Variants in TENM2 observed in about 807,000 individuals in gnomAD.
TENM2 encodes teneurin-2.
A neutral mutation model predicts 245.2 loss-of-function variants in TENM2; 52 were observed. That is an observed-to-expected ratio of 0.21 (90% CI 0.17 to 0.27). The LOEUF (loss-of-function observed/expected upper bound fraction) is 0.27, where lower values mean the gene tolerates loss of function less well. Ranked by LOEUF, TENM2 falls within the 10% of genes least tolerant of loss-of-function variation. The pLI is 1.00. For synonymous variants in TENM2, 1,363 were observed against 1,438.9 expected (o/e 0.95, Z 1.19); for missense variants, 3,046 against 3,666.8 (o/e 0.83, Z 4.37).
intron 5 of TENM2, among the ~76,000 whole-genome samples, chr5:168,005,138 G>T (rs191489500): frequency 1.1e-4 from 16 of 152,296 alleles, no homozygotes; most frequent in African/African-American, 3.6e-4. Flanking sequence ...TTTCGGAAAG[G>T]TCAGCTGACC....
the TENM2 span, among the ~76,000 whole-genome samples, chr5:167,016,559 G>A: frequency 6.6e-6 from 1 of 152,096 alleles, no homozygotes; most frequent in Non-Finnish European, 1.5e-5. Context: ...GTTCTTATCT[G>A]ACTGAATAAA....
chr5:168,021,775 C>T (rs1411794423), intron 5 of TENM2, among the ~76,000 whole-genome samples: 6 of 143,510 alleles, frequency 4.2e-5, no homozygotes, highest in Admixed American at 3.5e-4. Context: ...TATTTGAAAT[C>T]TTTTTTTTTT....
intron 12 of TENM2, among the ~76,000 whole-genome samples, chr5:168,132,285 C>T (rs1019701147): frequency 2.6e-5 from 4 of 152,186 alleles, no homozygotes; most frequent in South Asian, 4.1e-4. Flanking sequence ...TTGTCCTAGA[C>T]GTTGAAGGGC....
rs146773936 is a variant in TENM2 at position 167,687,697 on chromosome 5, C to T, written c.503-188289C>T. 2.9e-3 allele frequency among the ~76,000 whole-genome samples: 437 copies of T among 152,304 alleles called. 3 individuals carry two copies. The highest frequency in any genetic ancestry group is 0.014 in the Middle Eastern group (4 of 294). ...AAAATCTACTTTATCCAGCCAACTT[C>T]ACACTATTTATAGTAGCAGAATTTG... is the stretch of plus-strand genomic sequence containing the variant. On this transcript the variant is annotated intron_variant, in intron 2 of 28. Coordinates refer to ENST00000518659, the Ensembl canonical transcript of TENM2.
At chr5:167,074,754 A>G in the TENM2 span, among the ~76,000 whole-genome samples, 1 of 152,184 alleles carries the variant, frequency 6.6e-6, no homozygotes, top group African/African-American at 2.4e-5. Flanking sequence ...AACAGGGAGA[A>G]TCTTCCATTA....
At chr5:167,871,189 G>A (rs1020218105) in intron 2 of TENM2, among the ~76,000 whole-genome samples, 2 of 152,234 alleles carry the variant, frequency 1.3e-5, no homozygotes, top group African/African-American at 4.8e-5. Context: ...AAGGTTTTCA[G>A]GTATGACTGA....
chr5:167,308,945 C>T (rs967190440), intron 1 of TENM2, among the ~76,000 whole-genome samples: 32 of 151,804 alleles, frequency 2.1e-4, no homozygotes, highest in African/African-American at 6.3e-4. Context: ...GAATCATCAA[C>T]GCCCAACCTT....
chr5:167,054,419 T>C, the TENM2 span, among the ~76,000 whole-genome samples: 4 of 152,198 alleles, frequency 2.6e-5, no homozygotes, highest in East Asian at 7.7e-4. Flanking sequence ...ATAATACAGT[T>C]TATTCATTAA....
intron 3 of TENM2, among the ~76,000 whole-genome samples, chr5:167,940,713 G>C (rs1160133453): frequency 1.3e-5 from 2 of 152,160 alleles, no homozygotes; most frequent in African/African-American, 4.8e-5. Flanking sequence ...GCTTGAATCT[G>C]CAGGAAAGAG....
In TENM2 at chr5:167,643,458, A is replaced by AT. The variant is rs549200323; in HGVS notation, c.503-232520dup. 1.3e-4 allele frequency among the ~76,000 whole-genome samples: 20 copies of AT among 151,928 alleles called. No individual in the cohort carries two copies. In the East Asian group the frequency reaches 1.4e-3, roughly 10 times the overall value. ...ATGATGTAGCCTGCGTCAGTGGTTC[A>AT]TTTTTTTTCCACTGCTGAATAATAT... On this transcript the variant is annotated intron_variant, in intron 2 of 28. Coordinates refer to ENST00000518659, the Ensembl canonical transcript of TENM2.
chr5:167,389,712 A>G (rs1346947582), intron 2 of TENM2, among the ~76,000 whole-genome samples: 2 of 152,174 alleles, frequency 1.3e-5, no homozygotes, highest in Non-Finnish European at 2.9e-5. Flanking sequence ...TGAAATTGCA[A>G]TCCTTTTCAA....
At chr5:167,107,973 G>A in the TENM2 span, among the ~76,000 whole-genome samples, 11 of 152,140 alleles carry the variant, frequency 7.2e-5, no homozygotes, top group Admixed American at 7.2e-4. Flanking sequence ...CCCACAGAGG[G>A]CAGCCAATGG....
At chr5:167,012,770 C>G in the TENM2 span, among the ~76,000 whole-genome samples, 2 of 152,192 alleles carry the variant, frequency 1.3e-5, no homozygotes, top group East Asian at 3.9e-4. Context: ...TTAGGGGGAC[C>G]TTTTTTTCCA....
rs962938890 is a variant in TENM2 at position 167,350,840 on chromosome 5, C to T, written c.227-24358C>T. Among the ~76,000 whole-genome samples, 15 of 96,898 alleles carry T rather than the reference C, an allele frequency of 1.5e-4. 2 individuals are homozygous for T. The highest frequency in any genetic ancestry group is 0.015 in the Middle Eastern group (1 of 66). The allele number at this position is 96,898 out of a possible 152,430, so 63.6% of individuals were successfully genotyped here. A position where few individuals can be genotyped will look rare whatever the true frequency, so the allele number is the denominator to read the frequency against. ...TATGGATATATATATGGGATATATA[C>T]ATATGGATATATATATGGGATGTAT... On this transcript the variant is annotated intron_variant, in intron 1 of 28. Coordinates refer to ENST00000518659, the Ensembl canonical transcript of TENM2.
intron 3 of TENM2, among the ~76,000 whole-genome samples, chr5:167,881,121 A>G (rs901403749): frequency 2.0e-5 from 3 of 152,206 alleles, no homozygotes; most frequent in Admixed American, 6.5e-5. Context: ...TTCTCCTTAT[A>G]TATCTTAGGT....
At chr5:167,040,069 A>T in the TENM2 span, among the ~76,000 whole-genome samples, 1 of 152,158 alleles carries the variant, frequency 6.6e-6, no homozygotes, top group Non-Finnish European at 1.5e-5. Context: ...TCATTTACTC[A>T]TATAAGTAAA....
chr5:167,854,881 T>C (rs1284379300), intron 2 of TENM2, among the ~76,000 whole-genome samples: 2 of 152,146 alleles, frequency 1.3e-5, no homozygotes, highest in Non-Finnish European at 2.9e-5. Context: ...TTTGTCACTA[T>C]CACCCTCATC....
intron 5 of TENM2, among the ~76,000 whole-genome samples, chr5:168,033,888 G>C (rs1167266796): frequency 6.6e-6 from 1 of 151,842 alleles, no homozygotes; most frequent in Non-Finnish European, 1.5e-5. Context: ...TTAGCCAGGT[G>C]TGGTTGTGGG....
In TENM2 at chr5:167,496,139, G is replaced by A. The variant is rs907735438; in HGVS notation, c.502+120666G>A. ...AGAAATGAAGTTAGGGCAGAAAATGGTACTTCCAGGGTAGTGTTGTAATTT... is the reference window on the plus strand; with the variant it reads ...AGAAATGAAGTTAGGGCAGAAAATGATACTTCCAGGGTAGTGTTGTAATTT... On this transcript the variant is annotated intron_variant, in intron 2 of 28. Transcript: ENST00000518659. Among the ~76,000 whole-genome samples, 10 of 151,988 alleles carry A rather than the reference G, an allele frequency of 6.6e-5. No individual in the cohort carries two copies. The East Asian group carries it at 1.5e-3, about 23-fold the overall frequency.
Sources: allele counts gnomAD v4.1 joint callset (sites outside exome capture counted in the v4.1 genomes callset), GRCh38; gene constraint gnomAD v4.1.1; transcripts MANE v1.5; gene names NCBI Gene and HGNC (gene_info 2026-07-23, HGNC 2026-07-21).